The following MAN1A1 variants were observed in gnomAD, a reference collection of about 807,000 sequenced individuals.
MAN1A1 encodes the protein mannosidase alpha class 1A member 1.
A neutral mutation model predicts 70.8 loss-of-function variants in MAN1A1; 29 were observed. The observed-to-expected ratio is 0.41, with a 90% CI of 0.31 to 0.56. The LOEUF (loss-of-function observed/expected upper bound fraction) is 0.56, where lower values mean the gene tolerates loss of function less well. MAN1A1 is among the 20% of genes least tolerant of loss of function. The pLI, the probability that MAN1A1 is intolerant of heterozygous loss-of-function variation, is 0.29. For missense variants in MAN1A1, 747 were observed against 841.3 expected (o/e 0.89, Z 1.39); for synonymous variants, 349 against 330.1 (o/e 1.06, Z -0.62).
chr6:119,188,631 G>C, intron 10 of MAN1A1, 54 bp from the exon 11 acceptor site: 1 of 1,474,980 alleles, frequency 6.8e-7, no homozygotes, highest in Non-Finnish European at 9.3e-7. Context: ...AGTGCTTACA[G>C]TCAATAACTT....
chr6:119,332,341 A>G (rs1326823149), intron 2 of MAN1A1, among the ~76,000 whole-genome samples: 1 of 152,258 alleles, frequency 6.6e-6, no homozygotes, highest in Admixed American at 6.5e-5. Flanking sequence ...AACACATTCT[A>G]TTAGGAGAAA....
At chr6:119,195,473 A>G (rs76703201) in intron 8 of MAN1A1, among the ~76,000 whole-genome samples, 7,086 of 152,206 alleles carry the variant, frequency 0.047, 207 homozygotes, top group East Asian at 0.082. Context: ...GGACCAAATG[A>G]CACTTCCTCA....
intron 4 of MAN1A1, among the ~76,000 whole-genome samples, chr6:119,291,722 T>C (rs1287310094): frequency 6.6e-6 from 1 of 152,020 alleles, no homozygotes; most frequent in South Asian, 2.1e-4. Flanking sequence ...TCCAACTTTT[T>C]GCCTTTGGCT....
chr6:119,183,393 T>C (rs1773203771), intron 11 of MAN1A1, among the ~76,000 whole-genome samples: 1 of 145,032 alleles, frequency 6.9e-6, no homozygotes, highest in Non-Finnish European at 1.5e-5. Flanking sequence ...GTCCTATTAT[T>C]TTTTCTTTCC....
At chr6:119,307,330 C>A (rs1387148075) in intron 2 of MAN1A1, among the ~76,000 whole-genome samples, 1 of 152,124 alleles carries the variant, frequency 6.6e-6, no homozygotes, top group African/African-American at 2.4e-5. Context: ...TTATCTAGTT[C>A]ATTTTCATAA....
Position 119,214,650 on chromosome 6 carries a change from G to A in MAN1A1, c.993-9768C>T, listed in dbSNP as rs185563275. On this transcript the variant is annotated intron_variant, in intron 6 of 12. Transcript: ENST00000368468. ...TCTTCCCACCTCAGCCTCCTGAGGC[G>A]CATACCACCACGGCTGGCTAATTTT... 4.3e-3 allele frequency among the ~76,000 whole-genome samples: 650 copies of A among 151,986 alleles called. 3 individuals are homozygous for A. Among genetic ancestry groups the A allele is most frequent in the Non-Finnish European group, 8.0e-3 (541 of 67,972 alleles).
chr6:119,211,797 T>C (rs1774057981), intron 6 of MAN1A1, among the ~76,000 whole-genome samples: 1 of 152,142 alleles, frequency 6.6e-6, no homozygotes, highest in Admixed American at 6.5e-5. Flanking sequence ...TTCCTACTTT[T>C]GTGATGTTAA....
chr6:119,278,101 G>A (rs1024434153), intron 5 of MAN1A1, among the ~76,000 whole-genome samples: 25 of 151,812 alleles, frequency 1.6e-4, no homozygotes, highest in Admixed American at 1.6e-3. Context: ...AACTATGATC[G>A]TGCCACTGTG....
chr6:119,325,278 T>C (rs1359888840), intron 2 of MAN1A1, among the ~76,000 whole-genome samples: 1 of 136,560 alleles, frequency 7.3e-6, no homozygotes, highest in Non-Finnish European at 1.7e-5. Context: ...AGTCTGGCTC[T>C]AGAGTTTTTG....
intron 11 of MAN1A1, among the ~76,000 whole-genome samples, chr6:119,184,302 G>T (rs990933566): frequency 6.6e-6 from 1 of 152,168 alleles, no homozygotes; most frequent in Non-Finnish European, 1.5e-5. Context: ...TATGTGACTG[G>T]GATGTGCAAA....
At chr6:119,335,454 A>G (rs767666361) in intron 2 of MAN1A1, among the ~76,000 whole-genome samples, 15 of 152,262 alleles carry the variant, frequency 9.9e-5, no homozygotes, top group Non-Finnish European at 1.8e-4. Context: ...TCACATTTAT[A>G]AAACATTTTG....
intron 2 of MAN1A1, among the ~76,000 whole-genome samples, chr6:119,310,330 A>AT (rs1299034504): frequency 6.6e-6 from 1 of 152,136 alleles, no homozygotes; most frequent in Non-Finnish European, 1.5e-5. Flanking sequence ...AAATTACATG[A>AT]TTTTTCCAGA....
chr6:119,230,778 C>T (rs1016636612), intron 6 of MAN1A1, among the ~76,000 whole-genome samples: 1 of 152,078 alleles, frequency 6.6e-6, no homozygotes, highest in Non-Finnish European at 1.5e-5. Context: ...GGGGAAAAAA[C>T]CCCAAGTGAA....
At chr6:119,341,967 A>C (rs991536803) in intron 2 of MAN1A1, among the ~76,000 whole-genome samples, 3 of 152,338 alleles carry the variant, frequency 2.0e-5, no homozygotes, top group Middle Eastern at 6.8e-3. Context: ...TAAATAAAAA[A>C]ATTATTTATT....
intron 6 of MAN1A1, among the ~76,000 whole-genome samples, chr6:119,219,188 A>AT (rs1394208514): frequency 6.6e-6 from 1 of 151,436 alleles, no homozygotes; most frequent in Non-Finnish European, 1.5e-5. Context: ...TCACTGATTT[A>AT]TTTTTTCTTT....
At chr6:119,272,947 A>C (rs1775964936) in intron 5 of MAN1A1, among the ~76,000 whole-genome samples, 1 of 152,202 alleles carries the variant, frequency 6.6e-6, no homozygotes, top group African/African-American at 2.4e-5. Flanking sequence ...GTAAATAAAC[A>C]ACCTTCTAAG....
At chr6:119,326,127 CA>C (rs777011573) in intron 2 of MAN1A1, among the ~76,000 whole-genome samples, 1 of 152,180 alleles carries the variant, frequency 6.6e-6, no homozygotes, top group Non-Finnish European at 1.5e-5. Flanking sequence ...AGGTGAAATA[CA>C]GCTTTATTCA....
At chr6:119,310,541 A>G (rs896618910) in intron 2 of MAN1A1, among the ~76,000 whole-genome samples, 3 of 152,164 alleles carry the variant, frequency 2.0e-5, no homozygotes, top group Non-Finnish European at 4.4e-5. Flanking sequence ...TGAGCCTCCA[A>G]CGTGGGGCGC....
rs76901594 is a variant in MAN1A1, at chr6:119,184,120, C to A, written c.1720-3693G>T. ...GCTGGGGACAAATAGCTTTCCTGGGCCCTTACAACAGCCCTGATTCTATCA... is the reference window on the plus strand; with the variant it reads ...GCTGGGGACAAATAGCTTTCCTGGGACCTTACAACAGCCCTGATTCTATCA... On this transcript the variant is annotated intron_variant, in intron 11 of 12. Coordinates refer to ENST00000368468, the MANE Select transcript of MAN1A1 (RefSeq NM_005907.4). Among the ~76,000 whole-genome samples the A allele has an allele frequency of 4.3e-3, 653 of 152,214 alleles. 22 individuals are homozygous for A. The East Asian group carries it at 0.083, about 19-fold the overall frequency.
Sources: gnomAD v4.1 joint callset for allele counts (sites outside exome capture counted in the v4.1 genomes callset) on GRCh38, gnomAD v4.1.1 for gene constraint, MANE v1.5 for transcripts, NCBI Gene and HGNC (gene_info 2026-07-23, HGNC 2026-07-21) for gene names.